Variants in TRPM3 observed in about 807,000 individuals in gnomAD.
TRPM3 encodes transient receptor potential cation channel subfamily M member 3, also known as long transient receptor potential channel 3.
A neutral mutation model predicts 181.2 loss-of-function variants in TRPM3; 77 were observed. The observed-to-expected ratio is 0.42, with a 90% CI of 0.35 to 0.51. The LOEUF is 0.51. Among genes scored for constraint, TRPM3 ranks in the 20% least tolerant of loss-of-function variants. The probability of loss-of-function intolerance (pLI) is 0.01; values close to 1 mark genes in which losing one functional copy is unlikely to be tolerated. For missense variants in TRPM3, 1,759 were observed against 2,196.7 expected (o/e 0.80, Z 3.98); for synonymous variants, 745 against 796.4 (o/e 0.94, Z 1.09).
intron 25 of TRPM3, among the ~76,000 whole-genome samples, chr9:70,541,764 G>A (rs531040932): frequency 9.9e-5 from 15 of 152,278 alleles, no homozygotes; most frequent in African/African-American, 3.4e-4. Flanking sequence ...GCCTGCCTCA[G>A]CCTCCCAAAG....
chr9:70,675,119 A>C (rs1371663835), intron 9 of TRPM3, among the ~76,000 whole-genome samples: 1 of 151,922 alleles, frequency 6.6e-6, no homozygotes, highest in Non-Finnish European at 1.5e-5. Flanking sequence ...TTATTTTTTG[A>C]GACAGAGTTT....
chr9:71,415,204 A>T (rs1277162027), intron 1 of TRPM3, among the ~76,000 whole-genome samples: 1 of 152,050 alleles, frequency 6.6e-6, no homozygotes, highest in Non-Finnish European at 1.5e-5. Flanking sequence ...GGAAAAGACA[A>T]GGAACAGATT....
intron 1 of TRPM3, among the ~76,000 whole-genome samples, chr9:71,171,561 T>C (rs1226909045): frequency 6.6e-6 from 1 of 152,312 alleles, no homozygotes; most frequent in East Asian, 1.9e-4. Context: ...TACAAACTTT[T>C]ACTATGTACT....
At chr9:71,301,597 A>T (rs78685026) in intron 1 of TRPM3, among the ~76,000 whole-genome samples, 6 of 152,176 alleles carry the variant, frequency 3.9e-5, no homozygotes, top group Admixed American at 3.9e-4. Flanking sequence ...TTCTCTATGT[A>T]TATCTTTTAA....
In TRPM3 at chr9:70,536,180, C is replaced by T; in HGVS notation, c.4933G>A (p.Glu1645Lys). The T allele has an allele frequency of 1.2e-6, 2 of 1,614,202 alleles. No homozygotes were observed. The highest frequency in any genetic ancestry group is 1.7e-6 in the Non-Finnish European group (2 of 1,180,028). ...TCTGCCGAGTAGCTGTTGGCGCGCT[C>T]TATCTTGGGAACAGTGATGTTGTTG... ...LSNNITVPKI[E>K]RANSYSAEEP... Residue 1645 changes from glutamate to lysine, a missense_variant, in exon 26 of 26, where the codon GAG (glutamate) becomes AAG (lysine). Glu to Lys is a moderately conservative substitution (Grantham distance 56). Transcript: ENST00000677713.
At chr9:71,136,114 C>T (rs4745056) in intron 1 of TRPM3, among the ~76,000 whole-genome samples, 91,581 of 152,100 alleles carry the variant, frequency 0.6, 28,037 homozygotes, top group African/African-American at 0.72. Flanking sequence ...ATACATCGTC[C>T]ACGTAAGGAT....
intron 1 of TRPM3, among the ~76,000 whole-genome samples, chr9:70,909,109 T>C (rs1405397079): frequency 6.6e-6 from 1 of 152,284 alleles, no homozygotes; most frequent in Middle Eastern, 3.4e-3. Context: ...TTGCAGTGCA[T>C]TAAAAATGTG....
At chr9:71,153,395 GTTC>G (rs2075834202) in intron 1 of TRPM3, among the ~76,000 whole-genome samples, 1 of 151,142 alleles carries the variant, frequency 6.6e-6, no homozygotes, top group East Asian at 2.0e-4. Flanking sequence ...GGTTCAAGCA[GTTC>G]TTCTGCCTCA....
At chr9:71,077,110 A>G (rs1451268963) in intron 1 of TRPM3, among the ~76,000 whole-genome samples, 1 of 152,214 alleles carries the variant, frequency 6.6e-6, no homozygotes, top group African/African-American at 2.4e-5. Flanking sequence ...AATCCTGGCC[A>G]TGCACTAGGA....
intron 1 of TRPM3, among the ~76,000 whole-genome samples, chr9:71,041,237 G>A (rs1010568587): frequency 6.6e-6 from 1 of 152,058 alleles, no homozygotes; most frequent in African/African-American, 2.4e-5. Flanking sequence ...GAGAGAGAAG[G>A]AGAGAAAAGG....
At chr9:71,404,278 A>G (rs1447590023) in intron 1 of TRPM3, among the ~76,000 whole-genome samples, 1 of 152,222 alleles carries the variant, frequency 6.6e-6, no homozygotes. Flanking sequence ...CACATAAGAG[A>G]TATAAATGAT....
intron 1 of TRPM3, among the ~76,000 whole-genome samples, chr9:71,202,405 C>G (rs1388787737): frequency 6.6e-6 from 1 of 152,128 alleles, no homozygotes. Context: ...TTACTGCTGT[C>G]TTTTTGTTTG....
At chr9:70,612,770 CTG>C (rs1346285115) in intron 18 of TRPM3, among the ~76,000 whole-genome samples, 5 of 152,172 alleles carry the variant, frequency 3.3e-5, no homozygotes, top group African/African-American at 9.7e-5. Context: ...CCTCAAGAAA[CTG>C]AGGTTACATG....
At chr9:70,626,267 C>T (rs888371527) in intron 12 of TRPM3, among the ~76,000 whole-genome samples, 1 of 152,150 alleles carries the variant, frequency 6.6e-6, no homozygotes, top group Non-Finnish European at 1.5e-5. Context: ...AGTCTGAGTG[C>T]ATAGTGAATT....
At chr9:71,023,700 G>GT (rs1334934631) in intron 1 of TRPM3, among the ~76,000 whole-genome samples, 26 of 140,052 alleles carry the variant, frequency 1.9e-4, no homozygotes, top group Non-Finnish European at 3.2e-4. Context: ...ATGATGCTGA[G>GT]TAAAAAAAAA....
chr9:70,790,422 C>T (rs1304839791), intron 6 of TRPM3, among the ~76,000 whole-genome samples: 2 of 152,190 alleles, frequency 1.3e-5, no homozygotes, highest in Non-Finnish European at 2.9e-5. Flanking sequence ...TGTTTACTAG[C>T]TAAAGCATGT....
intron 1 of TRPM3, among the ~76,000 whole-genome samples, chr9:71,280,958 A>G (rs771246074): frequency 3.5e-4 from 53 of 152,108 alleles, no homozygotes; most frequent in Non-Finnish European, 7.4e-4. Context: ...TTGACTGTTC[A>G]GATGTTTTTT....
intron 1 of TRPM3, among the ~76,000 whole-genome samples, chr9:70,949,445 G>A (rs960614546): frequency 7.2e-5 from 11 of 152,068 alleles, no homozygotes; most frequent in African/African-American, 2.7e-4. Context: ...ACTTTCATGT[G>A]GCCACACCTT....
chr9:70,976,635 G>A (rs1264148657), intron 1 of TRPM3, among the ~76,000 whole-genome samples: 1 of 152,136 alleles, frequency 6.6e-6, no homozygotes, highest in Non-Finnish European at 1.5e-5. Context: ...TTAAAGGCCT[G>A]GAATCTGAGA....
Sources: allele counts gnomAD v4.1 joint callset (sites outside exome capture counted in the v4.1 genomes callset), GRCh38; gene constraint gnomAD v4.1.1; transcripts MANE v1.5; gene names NCBI Gene and HGNC (gene_info 2026-07-23, HGNC 2026-07-21).